Variants in SCN3B observed in about 807,000 individuals in gnomAD.
The protein encoded by SCN3B is sodium voltage-gated channel beta subunit 3.
Under a neutral mutation model 25.4 loss-of-function variants are expected in SCN3B, and 11 were observed. That is an observed-to-expected ratio of 0.43 (90% CI 0.27 to 0.72). The LOEUF (loss-of-function observed/expected upper bound fraction) is 0.72, where lower values mean the gene tolerates loss of function less well. SCN3B is among the 30% of genes least tolerant of loss of function. SCN3B has a pLI of 0.18. For synonymous variants in SCN3B, 109 were observed against 110.7 expected (o/e 0.99, Z 0.09); for missense variants, 218 against 278.3 (o/e 0.78, Z 1.54).
chr11:123,649,993 A>G (rs7932819), intron 2 of SCN3B, among the ~76,000 whole-genome samples: 2,035 of 152,302 alleles, frequency 0.013, 62 homozygotes, highest in African/African-American at 0.046. Flanking sequence ...CATGAGCCAC[A>G]GCACCCAGTC....
chr11:123,639,697 CATCT>C (rs1193726655), intron 4 of SCN3B: 3 of 152,214 alleles, frequency 2.0e-5, no homozygotes, highest in African/African-American at 7.2e-5. Context: ...TTTTCTCATC[CATCT>C]GTTATAAGAG....
intron 3 of SCN3B, among the ~76,000 whole-genome samples, chr11:123,644,587 C>T (rs776206900): frequency 2.0e-5 from 3 of 152,034 alleles, no homozygotes; most frequent in Non-Finnish European, 2.9e-5. Context: ...GCCTGGCCAA[C>T]ATGGCAAAAC....
Position 123,642,320 on chromosome 11 carries a change from AT to A in SCN3B, c.445+125del, listed in dbSNP as rs1259413579. ...GATGGGTCAATGGTGACATTTTTAGATGTCACCATTCCAAATACATGGGTTT... is the reference window on the plus strand; with the variant it reads ...GATGGGTCAATGGTGACATTTTTAGAGTCACCATTCCAAATACATGGGTTT... On this transcript the variant is annotated intron_variant, in intron 4 of 6. Transcript: ENST00000299333. This position sits in a 1 kb window ranked among gnomAD's most constrained non-coding sequence, Gnocchi z 4.3. 1 of 878,716 alleles carries A rather than the reference AT, an allele frequency of 1.1e-6. No homozygotes were observed. Among genetic ancestry groups the A allele is most frequent in the East Asian group, 2.6e-5 (1 of 38,816 alleles). 54.4% of individuals were successfully genotyped at this position (878,716 alleles called of 1,614,324 possible). A position where few individuals can be genotyped will look rare whatever the true frequency, so the allele number is the denominator to read the frequency against.
At position 123,642,191 on chromosome 11, in the gene SCN3B, C is replaced by T. The variant is rs1955800138; in HGVS notation, c.445+255G>A. Among the ~76,000 whole-genome samples the T allele has an allele frequency of 1.3e-5, 2 of 152,118 alleles. No homozygotes were observed. On this transcript the variant is annotated intron_variant, in intron 4 of 6. Transcript: ENST00000299333. This position sits in a 1 kb window ranked among gnomAD's most constrained non-coding sequence, Gnocchi z 4.3. ...GAGGCTAGCCTCTTTCTCTAAGGGA[C>T]CAGGAAGAGCTCATTCTATCATCTC... is the stretch of plus-strand genomic sequence containing the variant.
intron 2 of SCN3B, among the ~76,000 whole-genome samples, chr11:123,651,644 G>A (rs1353033761): frequency 3.3e-5 from 5 of 152,216 alleles, no homozygotes; most frequent in East Asian, 1.9e-4. Flanking sequence ...GATTACAGGC[G>A]TGAGCCACTG....
chr11:123,638,567 T>A, intron 4 of SCN3B: 2 of 540,262 alleles, frequency 3.7e-6, no homozygotes, highest in Non-Finnish European at 6.6e-6. Flanking sequence ...GTGGAAGGAA[T>A]CCTGGCCTCA....
At chr11:123,649,637 CT>C (rs35009568) in intron 2 of SCN3B, among the ~76,000 whole-genome samples, 14,711 of 148,856 alleles carry the variant, frequency 0.099, 952 homozygotes, top group African/African-American at 0.19. Flanking sequence ...TTCTTTCTTT[CT>C]TTTTTTTCTT....
At chr11:123,638,110 C>T in intron 5 of SCN3B, 76 bp downstream of exon 5, 3 of 1,563,526 alleles carry the variant, frequency 1.9e-6, no homozygotes, top group Non-Finnish European at 2.6e-6. Context: ...ATGTAAACTG[C>T]TTAGCACCTC....
chr11:123,653,747 C>T lies in SCN3B; in HGVS notation c.55G>A (p.Val19Ile), dbSNP rs1374242677. 6.2e-7 allele frequency: 1 copy of T among 1,614,152 alleles called. No individual in the cohort carries two copies. Among genetic ancestry groups the T allele is most frequent in the Non-Finnish European group, 8.5e-7 (1 of 1,180,014 alleles). Residue 19 changes from valine (V) to isoleucine (I), a missense_variant and splice_region_variant, in exon 2 of 7, where the codon GTC becomes ATC. By Grantham distance (29) the Val-to-Ile change is conservative. Coordinates refer to ENST00000299333, the MANE Select transcript of SCN3B (RefSeq NM_001040151.2). ...PLASLVLIYWVSVCFPVCVEV... is the reference protein window; with the variant it reads ...PLASLVLIYWISVCFPVCVEV... ...GGCATGGCGAGGTGCTGGTACTTAC[C>T]CCAGTAGATAAGCACGAGAGAAGCC...
intron 6 of SCN3B, 117 bp from the exon 7 acceptor site, chr11:123,633,893 C>T (rs897786408): frequency 9.8e-5 from 47 of 478,138 alleles, no homozygotes; most frequent in Non-Finnish European, 3.1e-5. Flanking sequence ...TTACCATGGG[C>T]AAGTTCAGAT....
chr11:123,650,638 C>T (rs1025223968), intron 2 of SCN3B, among the ~76,000 whole-genome samples: 4 of 152,212 alleles, frequency 2.6e-5, no homozygotes, highest in Middle Eastern at 3.4e-3. Flanking sequence ...AGAGATGGGA[C>T]GGTAGCTCAG....
At chr11:123,640,993 C>T (rs1054506159) in intron 4 of SCN3B, 2 of 152,268 alleles carry the variant, frequency 1.3e-5, no homozygotes, top group African/African-American at 4.8e-5. Context: ...GGCAGACGAA[C>T]TAGCTCAGCC....
At chr11:123,652,592 C>T in intron 2 of SCN3B, among the ~76,000 whole-genome samples, 1 of 152,216 alleles carries the variant, frequency 6.6e-6, no homozygotes, top group East Asian at 1.9e-4. Flanking sequence ...GCTCACATGC[C>T]TCGTTTCAGG....
At chr11:123,648,760 A>G (rs980151486) in intron 2 of SCN3B, among the ~76,000 whole-genome samples, 1 of 152,226 alleles carries the variant, frequency 6.6e-6, no homozygotes, top group African/African-American at 2.4e-5. Context: ...CAAGGGCTCA[A>G]GGGGCCCAAA....
intron 5 of SCN3B, among the ~76,000 whole-genome samples, chr11:123,635,751 C>A (rs933550647): frequency 1.3e-5 from 2 of 151,880 alleles, no homozygotes; most frequent in Non-Finnish European, 2.9e-5. Flanking sequence ...CAACCTCTTG[C>A]AAATTTACTG....
rs963807881 is a variant in SCN3B, at chr11:123,629,873, G to A, written c.*3926C>T. 4.6e-5 allele frequency: 7 copies of A among 152,042 alleles called. No individual in the cohort carries two copies. The highest frequency in any genetic ancestry group is 1.7e-4 in the African/African-American group (7 of 41,394). 9.4% of individuals were successfully genotyped at this position (152,042 alleles called of 1,614,324 possible). On this transcript the variant is annotated 3_prime_UTR_variant, in exon 7 of 7. Transcript: ENST00000299333. Reference sequence around the variant, plus strand: ...CATTTTCATGTTAAACTGGGAAAGGGGAAACTAAGATATATTCTGAAGTGT... The same window carrying A: ...CATTTTCATGTTAAACTGGGAAAGGAGAAACTAAGATATATTCTGAAGTGT...
chr11:123,637,784 C>T (rs1955744994), intron 5 of SCN3B, among the ~76,000 whole-genome samples: 1 of 152,142 alleles, frequency 6.6e-6, no homozygotes. Flanking sequence ...CCCGCCTCAG[C>T]CTCCCAAAGT....
intron 6 of SCN3B, 165 bp downstream of exon 6, chr11:123,633,956 C>T (rs1478117571): frequency 1.1e-5 from 7 of 628,534 alleles, no homozygotes; most frequent in Non-Finnish European, 2.0e-5. Flanking sequence ...TGACATCATA[C>T]AGAGCTTTCT....
intron 3 of SCN3B, among the ~76,000 whole-genome samples, chr11:123,643,023 C>T (rs907509375): frequency 6.6e-6 from 1 of 151,992 alleles, no homozygotes; most frequent in African/African-American, 2.4e-5. Context: ...GCCCAGGAGA[C>T]GGACATTGAG....
Sources: allele counts gnomAD v4.1 joint callset (sites outside exome capture counted in the v4.1 genomes callset), GRCh38; gene constraint gnomAD v4.1.1; non-coding constraint Gnocchi (gnomAD v3.1); transcripts MANE v1.5; gene names NCBI Gene and HGNC (gene_info 2026-07-23, HGNC 2026-07-21).